OR10K2: variants seen among roughly 807,000 people sequenced by gnomAD.
OR10K2 encodes olfactory receptor 10K2.
For missense variants in OR10K2, 401 were observed against 367.1 expected, an observed-to-expected ratio of 1.09 and a Z score of -0.76; for synonymous variants, 169 against 146.4, an observed-to-expected ratio of 1.15 and a Z score of -1.11.
chr1:158,424,768 G>A (rs1216124719), intron 1 of OR10K2, among the ~76,000 whole-genome samples: 1 of 86,296 alleles, frequency 1.2e-5, no homozygotes, highest in African/African-American at 4.2e-5. Context: ...GTGAGAAAGG[G>A]AAAGCAGTAT....
At chr1:158,422,288 T>A (rs755682156) in intron 1 of OR10K2, among the ~76,000 whole-genome samples, 3 of 152,074 alleles carry the variant, frequency 2.0e-5, no homozygotes, top group Non-Finnish European at 2.9e-5. Context: ...CATTATCTAT[T>A]TTATTCATGG....
Position 158,420,910 on chromosome 1 carries a change from C to T in OR10K2, c.-44G>A, listed in dbSNP as rs773261511. 1 of 1,542,014 alleles carries T rather than the reference C, an allele frequency of 6.5e-7. No homozygotes were observed. The highest frequency in any genetic ancestry group is 2.0e-5 in the Admixed American group (1 of 49,628). On this transcript the variant is annotated 5_prime_UTR_variant, in exon 2 of 2. The change abolishes the stop of an existing upstream ORF in the 5' untranslated region. Coordinates refer to ENST00000641042, the MANE Select transcript of OR10K2 (RefSeq NM_001004476.2). ...AGACAATTAGGGAGAGAAGAGGAGT[C>T]AGCACCAAAAGAAATCCCTGAAAAT...
intron 1 of OR10K2, among the ~76,000 whole-genome samples, chr1:158,424,960 T>G (rs1223794235): frequency 6.6e-6 from 1 of 152,106 alleles, no homozygotes; most frequent in African/African-American, 2.4e-5. Flanking sequence ...ACTTTTAAGA[T>G]TTCTTTAAAA....
At position 158,420,499 on chromosome 1, in the gene OR10K2, T is replaced by C; in HGVS notation, c.368A>G (p.Tyr123Cys). The change falls in exon 2 of 2, where the codon TAC becomes TGC. Residue 123 changes from tyrosine to cysteine, a missense_variant. By Grantham distance (194) the Tyr-to-Cys change is radical. Transcript: ENST00000641042. ...FLLAVMGYDRYIAICNPLRYS... is the reference protein window; with the variant it reads ...FLLAVMGYDRCIAICNPLRYS... The stretch of plus-strand genomic sequence containing the variant: ...GCGCAGTGGGTTACAGATGGCTATG[T>C]AACGATCATAACCCATGACTGCCAG... 6.2e-7 allele frequency: 1 copy of C among 1,613,772 alleles called. No homozygotes were observed. Among genetic ancestry groups the C allele is most frequent in the Non-Finnish European group, 8.5e-7 (1 of 1,179,874 alleles).
At position 158,420,928 on chromosome 1, in the gene OR10K2, C is replaced by T. The variant is rs1655143507; in HGVS notation, c.-61-1G>A. ...GAGGAGTCAGCACCAAAAGAAATCCCTGAAAATAAGTAGATTCACAGAAAA... is the reference window on the plus strand; with the variant it reads ...GAGGAGTCAGCACCAAAAGAAATCCTTGAAAATAAGTAGATTCACAGAAAA... On this transcript the variant is annotated splice_acceptor_variant, in intron 1 of 1. Coordinates refer to ENST00000641042, the MANE Select transcript of OR10K2 (RefSeq NM_001004476.2). LOFTEE classifies it low-confidence loss of function (5UTR_SPLICE). 6.9e-7 allele frequency: 1 copy of T among 1,457,206 alleles called. No homozygotes were observed. Among genetic ancestry groups the T allele is most frequent in the Non-Finnish European group, 9.3e-7 (1 of 1,078,398 alleles). 90.3% of individuals were successfully genotyped at this position (1,457,206 alleles called of 1,614,324 possible). A position where few individuals can be genotyped will look rare whatever the true frequency, so the allele number is the denominator to read the frequency against.
At chr1:158,425,771 T>C (rs1655241150) in intron 1 of OR10K2, among the ~76,000 whole-genome samples, 162 bp downstream of exon 1, 1 of 152,070 alleles carries the variant, frequency 6.6e-6, no homozygotes, top group Admixed American at 6.6e-5. Flanking sequence ...AATGAATCAG[T>C]TAATTTAAGA....
In OR10K2 at chr1:158,420,834, C is replaced by G; in HGVS notation, c.33G>C (p.Glu11Asp). The change falls in exon 2 of 2, where the codon GAG becomes GAC. Residue 11 changes from glutamate to aspartate, a missense_variant. Coordinates refer to ENST00000641042, the MANE Select transcript of OR10K2 (RefSeq NM_001004476.2). MERVNETVVR[E>D]VIFLGFSSLA... ...GGGATGAGAAGCCGAGGAAGATGACCTCTCTCACCACAGTCTCATTGACCC... is the reference window on the plus strand; with the variant it reads ...GGGATGAGAAGCCGAGGAAGATGACGTCTCTCACCACAGTCTCATTGACCC... The G allele has an allele frequency of 6.2e-7, 1 of 1,613,542 alleles. No individual in the cohort carries two copies. The highest frequency in any genetic ancestry group is 8.5e-7 in the Non-Finnish European group (1 of 1,179,770).
intron 1 of OR10K2, among the ~76,000 whole-genome samples, chr1:158,424,260 A>T (rs192711958): frequency 3.1e-3 from 469 of 152,168 alleles, no homozygotes; most frequent in Middle Eastern, 0.01. Flanking sequence ...GGCCCATGAA[A>T]CAAGACACAC....
At chr1:158,424,454 A>G (rs2101648918) in intron 1 of OR10K2, among the ~76,000 whole-genome samples, 1 of 152,118 alleles carries the variant, frequency 6.6e-6, no homozygotes, top group South Asian at 2.1e-4. Context: ...GTTTCCAGGA[A>G]GAAAAAATAG....
chr1:158,418,248 A>AT lies in OR10K2; in HGVS notation c.*1679dup, dbSNP rs1044227196. On this transcript the variant is annotated 3_prime_UTR_variant, in exon 2 of 2. Transcript: ENST00000641042. ...AAGTCATTTTATTTGTCTGAGTGTC[A>AT]TTTTTCTCATCTACAAAATGTCGAT... is the stretch of plus-strand genomic sequence containing the variant. 3 of 152,070 alleles carry AT rather than the reference A, an allele frequency of 2.0e-5. No individual in the cohort carries two copies. The highest frequency in any genetic ancestry group is 7.2e-5 in the African/African-American group (3 of 41,410). The allele number at this position is 152,070 out of a possible 1,614,324, so 9.4% of individuals were successfully genotyped here. A position where few individuals can be genotyped will look rare whatever the true frequency, so the allele number is the denominator to read the frequency against.
chr1:158,425,182 A>T (rs957606568), intron 1 of OR10K2, among the ~76,000 whole-genome samples: 1 of 152,064 alleles, frequency 6.6e-6, no homozygotes, highest in Non-Finnish European at 1.5e-5. Flanking sequence ...ATGTTGCAGT[A>T]GTTCTTGTCT....
chr1:158,422,691 C>T (rs1409868548), intron 1 of OR10K2, among the ~76,000 whole-genome samples: 3 of 151,824 alleles, frequency 2.0e-5, no homozygotes, highest in Middle Eastern at 3.2e-3. Flanking sequence ...ACCTAAGAAC[C>T]ACCAAATCAA....
At chr1:158,422,756 T>A (rs1006806542) in intron 1 of OR10K2, among the ~76,000 whole-genome samples, 1 of 152,180 alleles carries the variant, frequency 6.6e-6, no homozygotes. Context: ...ATGTGTCAGC[T>A]ACTAGGTCTG....
In OR10K2 at chr1:158,420,774, G is replaced by A; in HGVS notation, c.93C>T (p.Phe31=). The change falls in exon 2 of 2, where the codon TTC becomes TTT. Residue 31 remains phenylalanine (F), a synonymous_variant. Transcript: ENST00000641042. ...CCAGAGTGAACAGGTAGAGGAGCAG[G>A]AAGATAACAAAGAGCAGCTGCTGCA... ...ARLQQLLFVI[F]LLLYLFTLGT... 4.3e-6 allele frequency: 7 copies of A among 1,613,684 alleles called. No individual in the cohort carries two copies. Among genetic ancestry groups the A allele is most frequent in the Non-Finnish European group, 5.9e-6 (7 of 1,179,844 alleles).
chr1:158,426,183 T>C lies in OR10K2; in HGVS notation c.-312A>G, dbSNP rs1655251968. 1 of 152,094 alleles carries C rather than the reference T, an allele frequency of 6.6e-6. No individual in the cohort carries two copies. Among genetic ancestry groups the C allele is most frequent in the Admixed American group, 6.6e-5 (1 of 15,250 alleles). 9.4% of individuals were successfully genotyped at this position (152,094 alleles called of 1,614,324 possible). A position where few individuals can be genotyped will look rare whatever the true frequency, so the allele number is the denominator to read the frequency against. On this transcript the variant is annotated 5_prime_UTR_variant, in exon 1 of 2. Coordinates refer to ENST00000641042, the MANE Select transcript of OR10K2 (RefSeq NM_001004476.2). ...TGGGTCACAGGCTACTGATATTTAC[T>C]CAGAGGTAGAGATGTGATGATGGTC...
Position 158,420,538 on chromosome 1 carries a change from G to C in OR10K2, c.329C>G (p.Ser110Cys), listed in dbSNP as rs752602639. Residue 110 changes from serine to cysteine, a missense_variant, in exon 2 of 2, where the codon TCT (serine) becomes TGT (cysteine). By Grantham distance (112) the Ser-to-Cys change is moderately radical (BLOSUM62 -1). Coordinates refer to ENST00000641042, the MANE Select transcript of OR10K2 (RefSeq NM_001004476.2). Reference sequence around the variant, plus strand: ...CATGACTGCCAGCAGAAAGGAGTGAGAGCAGCCAAGGAAGAGGAAGGAAAA... The same window carrying C: ...CATGACTGCCAGCAGAAAGGAGTGACAGCAGCCAAGGAAGAGGAAGGAAAA... The part of the protein sequence containing the change: ...QMFSFLFLGC[S>C]HSFLLAVMGY... The C allele has an allele frequency of 5.0e-6, 8 of 1,613,764 alleles. No individual in the cohort carries two copies. Among genetic ancestry groups the C allele is most frequent in the Non-Finnish European group, 6.8e-6 (8 of 1,179,898 alleles).
In OR10K2 at chr1:158,420,481, G is replaced by A; in HGVS notation, c.386C>T (p.Pro129Leu). 1 of 1,613,838 alleles carries A rather than the reference G, an allele frequency of 6.2e-7. No homozygotes were observed. The highest frequency in any genetic ancestry group is 8.5e-7 in the Non-Finnish European group (1 of 1,179,900). Residue 129 changes from proline to leucine, a missense_variant, in exon 2 of 2, where the codon CCA (proline) becomes CTA (leucine). Pro to Leu is a moderately conservative substitution (Grantham distance 98, BLOSUM62 -3). Transcript: ENST00000641042. ...GYDRYIAICNPLRYSVLMGHG... is the reference protein window; with the variant it reads ...GYDRYIAICNLLRYSVLMGHG... ...TCCCATTAGCACTGAGTAGCGCAGT[G>A]GGTTACAGATGGCTATGTAACGATC...
Position 158,418,578 on chromosome 1 carries a change from C to T in OR10K2, c.*1350G>A, listed in dbSNP as rs1437123028. 1.3e-5 allele frequency: 2 copies of T among 152,082 alleles called. No homozygotes were observed. Among genetic ancestry groups the T allele is most frequent in the Non-Finnish European group, 2.9e-5 (2 of 67,996 alleles). 9.4% of individuals were successfully genotyped at this position (152,082 alleles called of 1,614,324 possible). A position where few individuals can be genotyped will look rare whatever the true frequency, so the allele number is the denominator to read the frequency against. ...TTCTTGGCAGATGTCCTACAATAAA[C>T]AGGGCCTGTGAACAAAACATTCCAC... On this transcript the variant is annotated 3_prime_UTR_variant, in exon 2 of 2. Coordinates refer to ENST00000641042, the MANE Select transcript of OR10K2 (RefSeq NM_001004476.2).
intron 1 of OR10K2, among the ~76,000 whole-genome samples, chr1:158,424,773 C>T (rs989885864): frequency 1.0e-5 from 1 of 97,852 alleles, no homozygotes; most frequent in African/African-American, 3.8e-5. Context: ...AAAGGGAAAG[C>T]AGTATTCAAC....
Sources: gnomAD v4.1 joint callset for allele counts (sites outside exome capture counted in the v4.1 genomes callset) on GRCh38, gnomAD v4.1.1 for gene constraint, MANE v1.5 for transcripts, NCBI Gene and HGNC (gene_info 2026-07-23, HGNC 2026-07-21) for gene names.